The following LYRM4 variants were observed in gnomAD, a reference collection of about 807,000 sequenced individuals.
LYRM4 encodes LYR motif-containing protein 4.
Under a neutral mutation model 11.7 loss-of-function variants are expected in LYRM4, and 9 were observed. The observed-to-expected ratio is 0.77, with a 90% confidence interval of 0.46 to 1.34. The LOEUF is 1.34. Among genes scored for constraint, LYRM4 ranks in the 40% most tolerant of loss-of-function variants. The pLI, the probability that LYRM4 is intolerant of heterozygous loss-of-function variation, is 0.00. For missense variants in LYRM4, 133 were observed against 112.5 expected, an observed-to-expected ratio of 1.18 and a Z score of -0.82; for synonymous variants, 42 against 40.4, an observed-to-expected ratio of 1.04 and a Z score of -0.15.
intron 2 of LYRM4, among the ~76,000 whole-genome samples, chr6:5,120,035 C>G (rs1175566445): frequency 1.3e-5 from 2 of 151,938 alleles, no homozygotes. Flanking sequence ...GCTGGGACTA[C>G]AGGTGCATGC....
chr6:5,085,823 G>A, the LYRM4 span: 2 of 1,528,384 alleles, frequency 1.3e-6, no homozygotes, highest in Non-Finnish European at 1.8e-6. Context: ...GGCGGCGAGG[G>A]GGCGGAGGAC....
intron 2 of LYRM4, among the ~76,000 whole-genome samples, chr6:5,110,244 G>C (rs191099573): frequency 3.8e-4 from 55 of 144,158 alleles, no homozygotes; most frequent in African/African-American, 1.4e-3. Context: ...ACTCTATCTG[G>C]ATTTCAGACC....
At chr6:5,133,241 C>G (rs546591441) in intron 2 of LYRM4, among the ~76,000 whole-genome samples, 1 of 152,140 alleles carries the variant, frequency 6.6e-6, no homozygotes, top group Non-Finnish European at 1.5e-5. Flanking sequence ...TCAAGATGAT[C>G]GATCGTTTTC....
intron 2 of LYRM4, among the ~76,000 whole-genome samples, chr6:5,112,051 G>T (rs181300087): frequency 6.6e-6 from 1 of 152,190 alleles, no homozygotes; most frequent in Admixed American, 6.5e-5. Flanking sequence ...ACAGGGAGGG[G>T]AGAAATGTGT....
intron 2 of LYRM4, chr6:5,136,176 GAAT>G: frequency 3.2e-6 from 2 of 621,054 alleles, no homozygotes; most frequent in Non-Finnish European, 4.0e-6. Flanking sequence ...TTGCTGTTGT[GAAT>G]AATACTGCTC....
intron 2 of LYRM4, among the ~76,000 whole-genome samples, chr6:5,137,829 C>T (rs1757180493): frequency 1.3e-5 from 2 of 152,196 alleles, no homozygotes; most frequent in Admixed American, 1.3e-4. Context: ...AGGCTTTGTC[C>T]TTGCAAGCTG....
At chr6:5,044,511 G>T in the LYRM4 span, among the ~76,000 whole-genome samples, 1 of 152,192 alleles carries the variant, frequency 6.6e-6, no homozygotes, top group African/African-American at 2.4e-5. Context: ...GGAGGGCAGG[G>T]CTCACCTGCT....
At chr6:5,161,327 A>G (rs999590102) in intron 2 of LYRM4, among the ~76,000 whole-genome samples, 4 of 152,146 alleles carry the variant, frequency 2.6e-5, no homozygotes, top group African/African-American at 9.7e-5. Flanking sequence ...AAATGCAAAA[A>G]CCTATTAGCT....
the LYRM4 span, among the ~76,000 whole-genome samples, chr6:5,090,242 C>A: frequency 6.6e-6 from 1 of 152,192 alleles, no homozygotes; most frequent in South Asian, 2.1e-4. The surrounding 1 kb of genome is among the most constrained non-coding windows in gnomAD (Gnocchi z 4.8). Flanking sequence ...CTAGTTTCTT[C>A]CTTATTGGCA....
At chr6:5,066,705 T>G in the LYRM4 span, 1 of 871,474 alleles carries the variant, frequency 1.1e-6, no homozygotes, top group Non-Finnish European at 1.9e-6. Flanking sequence ...TGGAGGTCTA[T>G]TTTGTTTTCT....
chr6:5,060,672 C>T, the LYRM4 span, among the ~76,000 whole-genome samples: 34 of 152,248 alleles, frequency 2.2e-4, 1 homozygote, highest in South Asian at 8.3e-4. Flanking sequence ...GGATTACAGG[C>T]ATGCGCCATC....
rs1361541368 is a variant in LYRM4 at position 5,188,004 on chromosome 6, G to A, written c.207+28614C>T. Among the ~76,000 whole-genome samples the A allele has an allele frequency of 2.6e-5, 4 of 152,298 alleles. No individual in the cohort carries two copies. The East Asian group carries it at 7.7e-4, about 29-fold the overall frequency. ...TTTTGCAGTCAGAAGAAAGGGAGAG[G>A]AGAAAAACTTTCCTGTTGCCTTTGA... On this transcript the variant is annotated intron_variant, in intron 2 of 2. Transcript: ENST00000330636.
the LYRM4 span, among the ~76,000 whole-genome samples, chr6:5,056,762 ACTT>A: frequency 2.6e-4 from 40 of 152,202 alleles, no homozygotes; most frequent in Non-Finnish European, 2.8e-4. Flanking sequence ...TTTTCACTGC[ACTT>A]CATTGAAGTC....
At chr6:5,085,368 C>T in the LYRM4 span, 1 of 724,602 alleles carries the variant, frequency 1.4e-6, no homozygotes, top group East Asian at 2.9e-5. Context: ...TGGGGCGACT[C>T]GCCTCGGGGA....
the LYRM4 span, among the ~76,000 whole-genome samples, chr6:5,040,919 C>T: frequency 6.6e-6 from 1 of 151,782 alleles, no homozygotes. Flanking sequence ...ATTACCGCAA[C>T]TCTAATCTGT....
At chr6:5,075,125 A>C in the LYRM4 span, among the ~76,000 whole-genome samples, 2 of 152,166 alleles carry the variant, frequency 1.3e-5, no homozygotes, top group African/African-American at 4.8e-5. Context: ...GCCTCCCCAG[A>C]AGCCAAGCAG....
the LYRM4 span, chr6:5,034,072 T>TCC: frequency 6.6e-6 from 1 of 152,350 alleles, no homozygotes; most frequent in African/African-American, 2.4e-5. Context: ...GTTTAAAATG[T>TCC]CCCCAGGCAC....
the LYRM4 span, among the ~76,000 whole-genome samples, chr6:5,072,966 C>G: frequency 3.9e-5 from 6 of 152,116 alleles, no homozygotes; most frequent in Admixed American, 1.3e-4. Context: ...ATGTATGAAA[C>G]ATAATTTTTA....
At chr6:5,245,113 AATATATATATATATATATATATATATAT>A (rs1158676783) in intron 1 of LYRM4, among the ~76,000 whole-genome samples, 4 of 24,138 alleles carry the variant, frequency 1.7e-4, no homozygotes, top group South Asian at 2.1e-3. Flanking sequence ...AAAAAAAAAA[AATATATATATATATATATATATATATAT>A]ATATATATAT....
Sources: allele counts gnomAD v4.1 joint callset (sites outside exome capture counted in the v4.1 genomes callset), GRCh38; gene constraint gnomAD v4.1.1; non-coding constraint Gnocchi (gnomAD v3.1); transcripts MANE v1.5; gene names NCBI Gene and HGNC (gene_info 2026-07-23, HGNC 2026-07-21).